MLLT3: variants seen among roughly 807,000 people sequenced by gnomAD.
MLLT3 encodes the protein protein AF-9.
A neutral mutation model predicts 53.2 loss-of-function variants in MLLT3; 4 were observed. The ratio of observed to expected loss-of-function variants is 0.08; its 90% CI spans 0.04 to 0.17. The LOEUF (loss-of-function observed/expected upper bound fraction) is 0.17. MLLT3 is among the 10% of genes least tolerant of loss of function. The pLI is 1.00. For synonymous variants in MLLT3, 283 were observed against 230.6 expected, an observed-to-expected ratio of 1.23 and a Z score of -2.06; for missense variants, 569 against 684.0, an observed-to-expected ratio of 0.83 and a Z score of 1.87.
chr9:20,498,227 C>CAAAAAAAAA lies in MLLT3; in HGVS notation c.194-41450_194-41442dup, dbSNP rs529049653. ...TAGGTGACAGAGCGAGACGCTGTCT[C>CAAAAAAAAA]AAAAAAAAAAAAAAAAAAAAAAAAA... On this transcript the variant is annotated intron_variant, in intron 2 of 10. Transcript: ENST00000380338. Among the ~76,000 whole-genome samples, 35 of 32,518 alleles carry CAAAAAAAAA rather than the reference C, an allele frequency of 1.1e-3. 7 individuals are homozygous for CAAAAAAAAA. Among genetic ancestry groups the CAAAAAAAAA allele is most frequent in the Non-Finnish European group, 2.0e-3 (31 of 15,340 alleles). The allele number at this position is 32,518 out of a possible 152,430, so 21.3% of individuals were successfully genotyped here. A position where few individuals can be genotyped will look rare whatever the true frequency, so the allele number is the denominator to read the frequency against.
intron 5 of MLLT3, 100 bp downstream of exon 5, chr9:20,413,621 G>T: frequency 1.0e-6 from 1 of 994,332 alleles, no homozygotes; most frequent in Non-Finnish European, 1.5e-6. Flanking sequence ...ACCATTTTAT[G>T]GCTCAGCATT....
Position 20,341,737 on chromosome 9 carries a change from G to C in MLLT3, c.*4706C>G, listed in dbSNP as rs551220763. On this transcript the variant is annotated 3_prime_UTR_variant, in exon 11 of 11. Transcript: ENST00000380338. ...GTTGTTCTCCTTCCTGTCTAATCAA[G>C]GTAGCAGTTCTTGCTGTGAAAGTAA... 2.1e-5 allele frequency: 4 copies of C among 189,506 alleles called. No homozygotes were observed. Among genetic ancestry groups the C allele is most frequent in the African/African-American group, 9.3e-5 (4 of 42,792 alleles). 11.7% of individuals were successfully genotyped at this position (189,506 alleles called of 1,614,324 possible).
At chr9:20,433,096 A>C (rs1438441668) in intron 4 of MLLT3, among the ~76,000 whole-genome samples, 1 of 152,010 alleles carries the variant, frequency 6.6e-6, no homozygotes, top group Non-Finnish European at 1.5e-5. Flanking sequence ...CGGGCCAAGC[A>C]AAGTAGGCAA....
At chr9:20,520,836 A>G (rs1818038425) in intron 2 of MLLT3, among the ~76,000 whole-genome samples, 1 of 152,310 alleles carries the variant, frequency 6.6e-6, no homozygotes, top group African/African-American at 2.4e-5. Flanking sequence ...TTAGAAGAGA[A>G]TGCTGGCCAT....
rs1343470102 is a variant in MLLT3 at position 20,414,382 on chromosome 9, C to T, written c.464G>A (p.Ser155Asn). The T allele has an allele frequency of 1.9e-6, 3 of 1,607,120 alleles. No individual in the cohort carries two copies. The highest frequency in any genetic ancestry group is 1.3e-5 in the African/African-American group (1 of 74,630). ...GCTGCTGCTGCTGCTGCTGCTACTG[C>T]TGCTGCTGCTGCTGCTGCTGGTATG... ...SIHTSSSSSSSSSSSSSSSSS... is the reference protein window; with the variant it reads ...SIHTSSSSSSNSSSSSSSSSS... Residue 155 changes from serine to asparagine, a missense_variant, in exon 5 of 11, where the codon AGC becomes AAC. By Grantham distance (46) the Ser-to-Asn change is conservative. Coordinates refer to ENST00000380338, the MANE Select transcript of MLLT3 (RefSeq NM_004529.4).
intron 2 of MLLT3, among the ~76,000 whole-genome samples, chr9:20,524,531 A>G: frequency 6.6e-6 from 1 of 152,086 alleles, no homozygotes; most frequent in East Asian, 1.9e-4. Flanking sequence ...CTTTTTTTAA[A>G]AAAAATGACA....
intron 2 of MLLT3, among the ~76,000 whole-genome samples, chr9:20,497,190 G>A (rs1825099237): frequency 1.3e-5 from 2 of 152,168 alleles, no homozygotes; most frequent in African/African-American, 4.8e-5. Context: ...TCAGTTGACA[G>A]ACAGTAGAAT....
chr9:20,506,211 C>A (rs1395364319), intron 2 of MLLT3, among the ~76,000 whole-genome samples: 1 of 152,108 alleles, frequency 6.6e-6, no homozygotes, highest in African/African-American at 2.4e-5. Context: ...CACACCACCA[C>A]GCCCAGCTAG....
At chr9:20,589,732 G>C (rs1272539196) in intron 2 of MLLT3, among the ~76,000 whole-genome samples, 1 of 143,876 alleles carries the variant, frequency 7.0e-6, no homozygotes, top group Non-Finnish European at 1.5e-5. Context: ...TTTTTTTGAG[G>C]TGGAGTCTCG....
At chr9:20,505,818 T>A (rs1825367032) in intron 2 of MLLT3, among the ~76,000 whole-genome samples, 1 of 152,176 alleles carries the variant, frequency 6.6e-6, no homozygotes, top group Non-Finnish European at 1.5e-5. Context: ...AGGCCAGGCA[T>A]GTAACATTAG....
chr9:20,470,265 A>C (rs796671246), intron 2 of MLLT3, among the ~76,000 whole-genome samples: 1 of 152,026 alleles, frequency 6.6e-6, no homozygotes, highest in African/African-American at 2.4e-5. Flanking sequence ...ATAGAAAAAA[A>C]TGTTTATCAC....
chr9:20,609,116 C>G (rs1041031650), intron 2 of MLLT3, among the ~76,000 whole-genome samples: 3 of 151,972 alleles, frequency 2.0e-5, no homozygotes, highest in Admixed American at 1.3e-4. Context: ...TTATTTGCAG[C>G]TCTATTTTAA....
intron 4 of MLLT3, among the ~76,000 whole-genome samples, chr9:20,430,050 A>T (rs919381951): frequency 6.6e-6 from 1 of 152,182 alleles, no homozygotes; most frequent in Non-Finnish European, 1.5e-5. Flanking sequence ...GTTAGAAGTC[A>T]TATCAATATC....
At chr9:20,454,845 G>C (rs1026773741) in intron 3 of MLLT3, among the ~76,000 whole-genome samples, 2 of 152,094 alleles carry the variant, frequency 1.3e-5, no homozygotes, top group African/African-American at 4.8e-5. Context: ...ACACTGAAAA[G>C]TGAGCAAAAT....
intron 5 of MLLT3, among the ~76,000 whole-genome samples, chr9:20,404,653 C>A (rs1822535941): frequency 6.6e-6 from 1 of 152,132 alleles, no homozygotes; most frequent in African/African-American, 2.4e-5. Flanking sequence ...TACAGGCGTG[C>A]ACTACCACGC....
intron 10 of MLLT3, among the ~76,000 whole-genome samples, chr9:20,350,751 C>T (rs529608402): frequency 4.6e-4 from 70 of 152,228 alleles, no homozygotes; most frequent in Non-Finnish European, 8.1e-4. Context: ...AGCGGTACTA[C>T]GCAGGCTGTT....
chr9:20,485,745 C>T (rs574742745), intron 2 of MLLT3, among the ~76,000 whole-genome samples: 55 of 151,228 alleles, frequency 3.6e-4, no homozygotes, highest in Non-Finnish European at 7.5e-4. Context: ...CATATACACA[C>T]GTGTGTGTGT....
chr9:20,497,541 C>A (rs889659236), intron 2 of MLLT3, among the ~76,000 whole-genome samples: 2 of 152,114 alleles, frequency 1.3e-5, no homozygotes, highest in African/African-American at 4.8e-5. Context: ...TGGAATCATA[C>A]AATGTGTATG....
At chr9:20,563,236 T>A (rs746047341) in intron 2 of MLLT3, among the ~76,000 whole-genome samples, 1 of 152,090 alleles carries the variant, frequency 6.6e-6, no homozygotes, top group Non-Finnish European at 1.5e-5. Context: ...CAGTAACATG[T>A]CGTGGAGGAA....
Sources: gnomAD v4.1 joint callset for allele counts (sites outside exome capture counted in the v4.1 genomes callset) on GRCh38, gnomAD v4.1.1 for gene constraint, MANE v1.5 for transcripts, NCBI Gene and HGNC (gene_info 2026-07-23, HGNC 2026-07-21) for gene names.